The following RANBP2 variants were observed in gnomAD, a reference collection of about 807,000 sequenced individuals.
RANBP2 encodes E3 SUMO-protein ligase RanBP2.
In RANBP2, 57 loss-of-function variants were observed where a neutral mutation model predicts 303.6. That is an observed-to-expected ratio of 0.19 (90% CI 0.15 to 0.23). The LOEUF is 0.23. Ranked by LOEUF, RANBP2 falls within the 10% of genes least tolerant of loss-of-function variation. RANBP2 has a pLI of 1.00. For synonymous variants in RANBP2, 1,167 were observed against 1,301.5 expected, an observed-to-expected ratio of 0.90 and a Z score of 2.23; for missense variants, 3,138 against 3,780.8, an observed-to-expected ratio of 0.83 and a Z score of 4.46.
the RANBP2 span, among the ~76,000 whole-genome samples, chr2:109,437,462 A>G: frequency 7.8e-4 from 119 of 152,342 alleles, no homozygotes; most frequent in African/African-American, 2.8e-3. Context: ...ACAAATATTT[A>G]CACATTTCAT....
chr2:109,657,675 CTG>C, the RANBP2 span, among the ~76,000 whole-genome samples: 2 of 149,506 alleles, frequency 1.3e-5, no homozygotes, highest in African/African-American at 4.9e-5. Flanking sequence ...CCAGAGGAAA[CTG>C]AACCGATGGA....
the RANBP2 span, among the ~76,000 whole-genome samples, chr2:109,179,227 G>T: frequency 6.6e-6 from 1 of 152,146 alleles, no homozygotes; most frequent in Non-Finnish European, 1.5e-5. Context: ...TCTACTTCCT[G>T]TTCTGACATG....
chr2:108,869,284 T>C, the RANBP2 span, among the ~76,000 whole-genome samples: 1 of 152,170 alleles, frequency 6.6e-6, no homozygotes, highest in East Asian at 1.9e-4. Context: ...CATTCTGTGA[T>C]AATTTTACTC....
the RANBP2 span, among the ~76,000 whole-genome samples, chr2:108,945,212 T>C: frequency 2.5e-4 from 38 of 152,270 alleles, no homozygotes; most frequent in East Asian, 6.6e-3. Flanking sequence ...GAGCTCCCCG[T>C]CCTGGGGCAC....
the RANBP2 span, among the ~76,000 whole-genome samples, chr2:109,203,626 G>T: frequency 1.7e-3 from 266 of 152,172 alleles, 1 homozygote; most frequent in Non-Finnish European, 2.8e-3. Context: ...GACAAGCATC[G>T]TGGCCCTGTC....
chr2:109,080,393 G>A, the RANBP2 span, among the ~76,000 whole-genome samples: 1 of 152,186 alleles, frequency 6.6e-6, no homozygotes, highest in South Asian at 2.1e-4. Flanking sequence ...TGGAGGTGAT[G>A]TGGAGCTTTG....
chr2:109,080,341 G>A, the RANBP2 span, among the ~76,000 whole-genome samples: 1 of 152,162 alleles, frequency 6.6e-6, no homozygotes, highest in Non-Finnish European at 1.5e-5. Context: ...GCCCCATCAG[G>A]AGCCTGCCAT....
At chr2:109,403,914 G>C in the RANBP2 span, among the ~76,000 whole-genome samples, 1 of 152,222 alleles carries the variant, frequency 6.6e-6, no homozygotes, top group Admixed American at 6.5e-5. Flanking sequence ...GGTGGAGTGA[G>C]GGCGTGCGTG....
the RANBP2 span, among the ~76,000 whole-genome samples, chr2:109,427,744 C>A: frequency 6.6e-6 from 1 of 152,244 alleles, no homozygotes; most frequent in African/African-American, 2.4e-5. Context: ...CCCATCTCAA[C>A]CCGCGTAACT....
the RANBP2 span, among the ~76,000 whole-genome samples, chr2:108,921,340 C>T: frequency 6.6e-6 from 1 of 152,210 alleles, no homozygotes; most frequent in African/African-American, 2.4e-5. Flanking sequence ...GGGTGTCATC[C>T]TCAGCCAGGG....
At chr2:108,829,476 T>G in the RANBP2 span, among the ~76,000 whole-genome samples, 1 of 151,880 alleles carries the variant, frequency 6.6e-6, no homozygotes, top group African/African-American at 2.4e-5. Context: ...ATAAACATGG[T>G]GGCCCATGCC....
At chr2:109,011,570 C>A in the RANBP2 span, among the ~76,000 whole-genome samples, 1 of 152,168 alleles carries the variant, frequency 6.6e-6, no homozygotes, top group Non-Finnish European at 1.5e-5. Context: ...TCAGTGGGCC[C>A]AAATTTTATT....
chr2:108,984,405 A>G, the RANBP2 span, among the ~76,000 whole-genome samples: 1 of 151,952 alleles, frequency 6.6e-6, no homozygotes, highest in African/African-American at 2.4e-5. Context: ...TTGCCTTTCC[A>G]TCACCCTCAA....
At chr2:108,793,890 C>T in the RANBP2 span, among the ~76,000 whole-genome samples, 2 of 151,908 alleles carry the variant, frequency 1.3e-5, no homozygotes, top group Non-Finnish European at 2.9e-5. Flanking sequence ...GCGTGAGCCA[C>T]CGCGCCCTGC....
At chr2:109,151,007 C>T in the RANBP2 span, among the ~76,000 whole-genome samples, 1 of 152,044 alleles carries the variant, frequency 6.6e-6, no homozygotes, top group Non-Finnish European at 1.5e-5. Context: ...TGATGAAGGT[C>T]GACACTGCTT....
chr2:109,115,310 G>A, the RANBP2 span, among the ~76,000 whole-genome samples: 574 of 152,294 alleles, frequency 3.8e-3, no homozygotes, highest in Non-Finnish European at 6.6e-3. Flanking sequence ...GAAACTGGGT[G>A]CTCCTGTATT....
At chr2:109,110,884 G>A in the RANBP2 span, among the ~76,000 whole-genome samples, 2 of 152,190 alleles carry the variant, frequency 1.3e-5, no homozygotes, top group African/African-American at 4.8e-5. Flanking sequence ...AGAAGCAGAG[G>A]ACTCTAAGAC....
At chr2:109,606,641 T>C in the RANBP2 span, among the ~76,000 whole-genome samples, 1 of 28,844 alleles carries the variant, frequency 3.5e-5, no homozygotes, top group African/African-American at 1.2e-4. Context: ...TTCCCTTTTA[T>C]TAAAAAAAAA....
chr2:109,409,154 A>G, the RANBP2 span, among the ~76,000 whole-genome samples: 1 of 152,152 alleles, frequency 6.6e-6, no homozygotes, highest in African/African-American at 2.4e-5. Context: ...CATTCGCCTT[A>G]GTAATATTGT....
Sources: gnomAD v4.1 joint callset for allele counts (sites outside exome capture counted in the v4.1 genomes callset) on GRCh38, gnomAD v4.1.1 for gene constraint, MANE v1.5 for transcripts, NCBI Gene and HGNC (gene_info 2026-07-23, HGNC 2026-07-21) for gene names.